Variants in PPP1R9A observed in about 807,000 individuals in gnomAD.
The protein encoded by PPP1R9A is protein phosphatase 1 regulatory subunit 9A.
PPP1R9A carries 59 observed loss-of-function variants against 141.9 expected under a neutral mutation model. The ratio of observed to expected loss-of-function variants is 0.42; its 90% CI spans 0.34 to 0.52. The LOEUF is 0.52. PPP1R9A is among the 20% of genes least tolerant of loss of function. The pLI, the probability that PPP1R9A is intolerant of heterozygous loss-of-function variation, is 0.10. For missense variants in PPP1R9A, 1,444 were observed against 1,611.9 expected, an observed-to-expected ratio of 0.90 and a Z score of 1.78; for synonymous variants, 500 against 569.7, an observed-to-expected ratio of 0.88 and a Z score of 1.74.
At chr7:94,924,821 C>T (rs1001281338) in intron 2 of PPP1R9A, among the ~76,000 whole-genome samples, 5 of 152,108 alleles carry the variant, frequency 3.3e-5, no homozygotes, top group African/African-American at 1.2e-4. Context: ...TGTGCCACTG[C>T]GTCTGGCCTA....
At chr7:94,995,607 AT>A (rs1471126375) in intron 2 of PPP1R9A, among the ~76,000 whole-genome samples, 2 of 151,608 alleles carry the variant, frequency 1.3e-5, no homozygotes, top group African/African-American at 4.8e-5. Context: ...TATTCAGCAT[AT>A]TTTTTATCTT....
chr7:95,049,008 C>CAGTTG (rs1470197201), intron 2 of PPP1R9A, among the ~76,000 whole-genome samples: 3 of 150,344 alleles, frequency 2.0e-5, no homozygotes, highest in Non-Finnish European at 4.4e-5. Flanking sequence ...ATGTATTGAA[C>CAGTTG]AGTTGAAAAA....
chr7:95,007,805 C>T (rs965315399), intron 2 of PPP1R9A, among the ~76,000 whole-genome samples: 5 of 152,094 alleles, frequency 3.3e-5, no homozygotes, highest in Admixed American at 1.3e-4. Context: ...GGCGTGGTGG[C>T]TCACGCCTGT....
chr7:95,042,248 A>G (rs1158782272), intron 2 of PPP1R9A, among the ~76,000 whole-genome samples: 2 of 152,214 alleles, frequency 1.3e-5, no homozygotes, highest in Admixed American at 6.5e-5. Flanking sequence ...AAGAATAAGC[A>G]TTTAAGGAAT....
At chr7:95,122,402 C>A (rs1822801000) in intron 4 of PPP1R9A, among the ~76,000 whole-genome samples, 1 of 152,182 alleles carries the variant, frequency 6.6e-6, no homozygotes, top group Admixed American at 6.5e-5. Flanking sequence ...CTGCCTTGGC[C>A]TCCCAAAGTG....
At chr7:95,101,202 C>T (rs1397320018) in intron 2 of PPP1R9A, among the ~76,000 whole-genome samples, 12 of 152,258 alleles carry the variant, frequency 7.9e-5, no homozygotes, top group African/African-American at 2.6e-4. Flanking sequence ...TGAGGTGAAA[C>T]GTTCTTAGTT....
At chr7:95,195,127 C>CA (rs1208813512) in intron 5 of PPP1R9A, among the ~76,000 whole-genome samples, 6 of 151,944 alleles carry the variant, frequency 3.9e-5, no homozygotes, top group Non-Finnish European at 7.4e-5. Context: ...GAAACTCCAC[C>CA]CTTACCACAC....
At chr7:95,059,679 A>G (rs541739294) in intron 2 of PPP1R9A, among the ~76,000 whole-genome samples, 1 of 152,334 alleles carries the variant, frequency 6.6e-6, no homozygotes, top group South Asian at 2.1e-4. Context: ...AACAGAATGT[A>G]TGTATGCTGA....
At chr7:95,209,517 A>C (rs911825210) in intron 7 of PPP1R9A, among the ~76,000 whole-genome samples, 3 of 152,160 alleles carry the variant, frequency 2.0e-5, no homozygotes, top group African/African-American at 4.8e-5. Flanking sequence ...CTGGTATTGC[A>C]AGCACTTTGC....
intron 2 of PPP1R9A, among the ~76,000 whole-genome samples, chr7:95,047,441 T>A (rs949329733): frequency 1.3e-5 from 2 of 152,204 alleles, no homozygotes; most frequent in African/African-American, 4.8e-5. Flanking sequence ...TGGCTTCAAT[T>A]CTCCAGGATC....
chr7:95,072,750 A>G, intron 2 of PPP1R9A, among the ~76,000 whole-genome samples: 1 of 106,094 alleles, frequency 9.4e-6, no homozygotes, highest in Non-Finnish European at 1.8e-5. Flanking sequence ...ATAATATATA[A>G]TATTATATTA....
At chr7:95,110,573 A>G (rs750966035) in intron 2 of PPP1R9A, among the ~76,000 whole-genome samples, 50 of 152,202 alleles carry the variant, frequency 3.3e-4, no homozygotes, top group Non-Finnish European at 4.1e-4. Context: ...AATAAGGACA[A>G]TCAAGTTTCT....
intron 16 of PPP1R9A, among the ~76,000 whole-genome samples, chr7:95,283,510 C>A (rs985547854): frequency 4.6e-5 from 7 of 152,288 alleles, no homozygotes; most frequent in Non-Finnish European, 1.0e-4. Flanking sequence ...TGGTGAAAAA[C>A]CAATAAACTA....
chr7:94,951,620 TA>T (rs112909192), intron 2 of PPP1R9A, among the ~76,000 whole-genome samples: 3,399 of 152,200 alleles, frequency 0.022, 126 homozygotes, highest in African/African-American at 0.078. Context: ...TATTTGCTAA[TA>T]TTTTTTTCAG....
chr7:95,200,251 T>G (rs915382598), intron 6 of PPP1R9A, among the ~76,000 whole-genome samples: 5 of 151,720 alleles, frequency 3.3e-5, no homozygotes, highest in Non-Finnish European at 5.9e-5. Flanking sequence ...TCCCCAAAAG[T>G]TGATATAAAA....
At chr7:95,188,979 TGTG>T (rs1359203860) in intron 5 of PPP1R9A, among the ~76,000 whole-genome samples, 1 of 152,124 alleles carries the variant, frequency 6.6e-6, no homozygotes, top group Non-Finnish European at 1.5e-5. Flanking sequence ...GTAGTGCTGG[TGTG>T]GTGGTGATGA....
intron 2 of PPP1R9A, among the ~76,000 whole-genome samples, chr7:94,970,666 CT>C (rs1457938982): frequency 1.4e-5 from 2 of 138,414 alleles, no homozygotes; most frequent in Non-Finnish European, 3.0e-5. Context: ...GATAGAGTCT[CT>C]CTCTGTTGCC....
chr7:95,262,029 A>G (rs1279291974), intron 12 of PPP1R9A, among the ~76,000 whole-genome samples: 1 of 152,174 alleles, frequency 6.6e-6, no homozygotes, highest in Non-Finnish European at 1.5e-5. Flanking sequence ...CTAATCAAGG[A>G]TGCTATTGTA....
chr7:94,975,356 G>GTTTTTTTTTTT (rs68186534), intron 2 of PPP1R9A, among the ~76,000 whole-genome samples: 9 of 120,710 alleles, frequency 7.5e-5, no homozygotes, highest in Non-Finnish European at 1.1e-4. Context: ...GTTTTTTTTT[G>GTTTTTTTTTTT]TTTTTTTTTT....
Sources: allele counts gnomAD v4.1 joint callset (sites outside exome capture counted in the v4.1 genomes callset), GRCh38; gene constraint gnomAD v4.1.1; transcripts MANE v1.5; gene names NCBI Gene and HGNC (gene_info 2026-07-23, HGNC 2026-07-21).